SDK1: variants seen among roughly 807,000 people sequenced by gnomAD.
SDK1 encodes sidekick cell adhesion molecule 1, also known as protein sidekick-1.
A neutral mutation model predicts 245.5 loss-of-function variants in SDK1; 157 were observed. That is an observed-to-expected ratio of 0.64 (90% CI 0.56 to 0.73). The LOEUF is 0.73. SDK1 is among the 30% of genes least tolerant of loss of function. SDK1 has a pLI of 0.00. For synonymous variants in SDK1, 1,647 were observed against 1,278.5 expected (o/e 1.29, Z -6.15); for missense variants, 3,583 against 3,002.3 (o/e 1.19, Z -4.52).
chr7:4,061,953 A>T (rs1779570137), intron 19 of SDK1, among the ~76,000 whole-genome samples: 1 of 125,318 alleles, frequency 8.0e-6, no homozygotes, highest in African/African-American at 3.1e-5. Context: ...GGACACAGGA[A>T]GGGGAACATC....
intron 21 of SDK1, among the ~76,000 whole-genome samples, chr7:4,077,653 A>G (rs1291321751): frequency 1.3e-5 from 2 of 152,182 alleles, no homozygotes; most frequent in East Asian, 3.9e-4. Context: ...AAGGAGGAGC[A>G]AGTCATGTAT....
At chr7:3,409,137 A>G (rs1233911516) in intron 1 of SDK1, among the ~76,000 whole-genome samples, 1 of 152,216 alleles carries the variant, frequency 6.6e-6, no homozygotes, top group East Asian at 1.9e-4. Flanking sequence ...AAACCAGATC[A>G]TATGAACTGA....
At chr7:3,523,042 C>T (rs1451888480) in intron 1 of SDK1, among the ~76,000 whole-genome samples, 1 of 43,712 alleles carries the variant, frequency 2.3e-5, no homozygotes, top group Non-Finnish European at 4.6e-5. Flanking sequence ...AAACCTGTAA[C>T]ATTTGTATCA....
intron 22 of SDK1, among the ~76,000 whole-genome samples, chr7:4,104,870 T>G (rs1197541566): frequency 1.3e-5 from 2 of 151,256 alleles, no homozygotes; most frequent in Non-Finnish European, 3.0e-5. Context: ...CCTGGCTAAT[T>G]TTTTTTTTAA....
intron 17 of SDK1, among the ~76,000 whole-genome samples, chr7:4,037,746 A>T (rs1349366443): frequency 1.3e-5 from 2 of 152,192 alleles, no homozygotes; most frequent in Non-Finnish European, 2.9e-5. Flanking sequence ...TGATAACATC[A>T]CTTAATGAGG....
At chr7:4,132,691 G>C (rs1051414702) in intron 28 of SDK1, 13 of 359,536 alleles carry the variant, frequency 3.6e-5, no homozygotes, top group Non-Finnish European at 1.1e-5. Flanking sequence ...TTGCATCACT[G>C]CACTCCAGCC....
intron 4 of SDK1, among the ~76,000 whole-genome samples, chr7:3,782,069 C>T (rs1016566515): frequency 6.6e-6 from 1 of 152,130 alleles, no homozygotes; most frequent in Non-Finnish European, 1.5e-5. Context: ...GCTGTTGTTG[C>T]ATTGCTGTAA....
At chr7:4,242,949 C>T (rs1423133344) in intron 43 of SDK1, among the ~76,000 whole-genome samples, 1 of 152,240 alleles carries the variant, frequency 6.6e-6, no homozygotes, top group Non-Finnish European at 1.5e-5. Context: ...CAGTCCAAAG[C>T]ACCGCAGGCC....
intron 5 of SDK1, among the ~76,000 whole-genome samples, chr7:3,934,481 C>G (rs1034104376): frequency 6.6e-6 from 1 of 152,262 alleles, no homozygotes; most frequent in African/African-American, 2.4e-5. Flanking sequence ...CATCCCAGAG[C>G]TTTCCTGCCT....
chr7:3,975,786 T>G (rs1782878689), intron 13 of SDK1, among the ~76,000 whole-genome samples: 1 of 152,236 alleles, frequency 6.6e-6, no homozygotes, highest in African/African-American at 2.4e-5. Context: ...CCCCTTGTTC[T>G]CTTTAGATAG....
intron 4 of SDK1, among the ~76,000 whole-genome samples, chr7:3,657,257 G>A (rs1455246436): frequency 6.6e-6 from 1 of 152,144 alleles, no homozygotes; most frequent in East Asian, 1.9e-4. Flanking sequence ...GTCGTACAAA[G>A]ACAGGGCAAA....
chr7:3,666,712 T>G (rs571788960), intron 4 of SDK1, among the ~76,000 whole-genome samples: 1 of 152,332 alleles, frequency 6.6e-6, no homozygotes, highest in East Asian at 1.9e-4. Flanking sequence ...CTAATATTAA[T>G]TTTCTTTTCA....
chr7:3,866,723 G>T (rs992684646), intron 5 of SDK1, among the ~76,000 whole-genome samples: 1 of 152,208 alleles, frequency 6.6e-6, no homozygotes, highest in Non-Finnish European at 1.5e-5. Context: ...CACCAGGCTG[G>T]TTAGAGTGGG....
rs551734512 is a variant in SDK1 at position 4,175,909 on chromosome 7, G to A, written c.4996+75G>A. 451 of 1,377,214 alleles carry A rather than the reference G, an allele frequency of 3.3e-4. 5 individuals carry two copies. The South Asian group carries it at 4.4e-3, about 13-fold the overall frequency. The allele number at this position is 1,377,214 out of a possible 1,614,324, so 85.3% of individuals were successfully genotyped here. On this transcript the variant is annotated intron_variant, in intron 34 of 44. Transcript: ENST00000404826. ...GCCCAGAGCCAGCTGGTCTCTCAGT[G>A]CAAGGGAAAACCAGCCTGGATTAAT... is the stretch of plus-strand genomic sequence containing the variant.
chr7:3,853,548 C>A (rs1024114469), intron 5 of SDK1, among the ~76,000 whole-genome samples: 5 of 152,144 alleles, frequency 3.3e-5, no homozygotes, highest in African/African-American at 1.2e-4. Context: ...TTCTTGGGAC[C>A]AGAAGTGTTT....
chr7:4,020,121 G>A (rs763555328), intron 17 of SDK1, among the ~76,000 whole-genome samples: 6 of 152,026 alleles, frequency 3.9e-5, no homozygotes, highest in Admixed American at 2.6e-4. Context: ...TCTCGGAGAC[G>A]CCGGGCACCA....
chr7:3,334,739 C>A (rs1312783237), intron 1 of SDK1, among the ~76,000 whole-genome samples: 4 of 152,200 alleles, frequency 2.6e-5, no homozygotes. Flanking sequence ...TTCTTGACTT[C>A]TCTTTGTGGA....
rs538555683 is a variant in SDK1 at position 4,222,420 on chromosome 7, G to A, written c.5827+1056G>A. ...AGCAATTCTCCTGCCTCAGCCTCCC[G>A]AGTAGCTGGGATTACAGGCACCCGC... On this transcript the variant is annotated intron_variant, in intron 40 of 44. Coordinates refer to ENST00000404826, the MANE Select transcript of SDK1 (RefSeq NM_152744.4). Among the ~76,000 whole-genome samples the A allele has an allele frequency of 9.9e-5, 15 of 152,108 alleles. No individual in the cohort carries two copies. In the East Asian group the frequency reaches 2.7e-3, roughly 27 times the overall value.
At chr7:4,211,522 G>T (rs1232144076) in intron 38 of SDK1, among the ~76,000 whole-genome samples, 1 of 152,140 alleles carries the variant, frequency 6.6e-6, no homozygotes, top group Non-Finnish European at 1.5e-5. Flanking sequence ...GGGGGTTGCG[G>T]GCAGGTGGCT....
Sources: allele counts gnomAD v4.1 joint callset (sites outside exome capture counted in the v4.1 genomes callset), GRCh38; gene constraint gnomAD v4.1.1; transcripts MANE v1.5; gene names NCBI Gene and HGNC (gene_info 2026-07-23, HGNC 2026-07-21).